The following ILRUN variants were observed in gnomAD, a reference collection of about 807,000 sequenced individuals.
ILRUN encodes protein ILRUN.
In ILRUN, 3 loss-of-function variants were observed where a neutral mutation model predicts 33.8. That is an observed-to-expected ratio of 0.09 (90% CI 0.04 to 0.23). The LOEUF is 0.23. Among genes scored for constraint, ILRUN ranks in the 10% least tolerant of loss-of-function variants. The pLI, the probability that ILRUN is intolerant of heterozygous loss-of-function variation, is 1.00. For synonymous variants in ILRUN, 124 were observed against 138.9 expected (o/e 0.89, Z 0.75); for missense variants, 210 against 375.1 (o/e 0.56, Z 3.64).
At position 34,646,880 on chromosome 6, in the gene ILRUN, G is replaced by T; in HGVS notation, c.314-82C>A. 7.7e-7 allele frequency: 1 copy of T among 1,304,008 alleles called. No homozygotes were observed. The highest frequency in any genetic ancestry group is 1.1e-6 in the Non-Finnish European group (1 of 918,672). The allele number at this position is 1,304,008 out of a possible 1,614,324, so 80.8% of individuals were successfully genotyped here. ...AGTTTATTATGAAACTGTAGAAGAG[G>T]CCTCTTTCTTTTTCTCACATACATA... On this transcript the variant is annotated intron_variant, in intron 2 of 4. Transcript: ENST00000374023. This position sits in a 1 kb window ranked among gnomAD's most constrained non-coding sequence, Gnocchi z 4.9.
At position 34,695,867 on chromosome 6, in the gene ILRUN, T is replaced by A. The variant is rs1763758413; in HGVS notation, c.158+579A>T. On this transcript the variant is annotated intron_variant, in intron 1 of 4. Transcript: ENST00000374023. ...CATACCCCCTTGTCTTCCCCCATAA[T>A]ATCACCCCCTTTTCCCTATCTATCC... Among the ~76,000 whole-genome samples the A allele has an allele frequency of 2.2e-5, 3 of 138,564 alleles. No homozygotes were observed. In the South Asian group the frequency reaches 7.9e-4, roughly 37 times the overall value. The allele number at this position is 138,564 out of a possible 152,430, so 90.9% of individuals were successfully genotyped here.
intron 1 of ILRUN, among the ~76,000 whole-genome samples, chr6:34,656,098 C>T (rs1040144888): frequency 2.0e-5 from 3 of 151,772 alleles, no homozygotes; most frequent in Non-Finnish European, 4.4e-5. Context: ...TAGCCAGGCA[C>T]GGTGGCGGGC....
intron 3 of ILRUN, among the ~76,000 whole-genome samples, chr6:34,629,956 A>C (rs2127347807): frequency 6.6e-6 from 1 of 152,288 alleles, no homozygotes; most frequent in Admixed American, 6.5e-5. Flanking sequence ...ACCTATGATA[A>C]ATTCTGACTT....
chr6:34,650,554 C>G (rs1392819744), intron 2 of ILRUN, among the ~76,000 whole-genome samples: 2 of 151,906 alleles, frequency 1.3e-5, no homozygotes, highest in Non-Finnish European at 2.9e-5. Flanking sequence ...CCTCAGCCTC[C>G]CGAATACGTG....
intron 3 of ILRUN, among the ~76,000 whole-genome samples, chr6:34,642,609 C>T (rs1762494260): frequency 6.6e-6 from 1 of 152,022 alleles, no homozygotes; most frequent in Non-Finnish European, 1.5e-5. Context: ...GTGGACCAGT[C>T]AAGAGCAAAG....
At chr6:34,595,746 G>A in intron 4 of ILRUN, 1 of 984,956 alleles carries the variant, frequency 1.0e-6, no homozygotes, top group Non-Finnish European at 1.2e-6. Flanking sequence ...TTTGTGATTT[G>A]ATTTAAATAA....
chr6:34,614,218 C>A (rs970190328), intron 3 of ILRUN, among the ~76,000 whole-genome samples: 2 of 151,826 alleles, frequency 1.3e-5, no homozygotes, highest in African/African-American at 4.8e-5. Flanking sequence ...GTCAGGAGAT[C>A]GAGACCATCC....
intron 1 of ILRUN, among the ~76,000 whole-genome samples, chr6:34,695,245 G>A (rs1292572342): frequency 1.3e-5 from 2 of 152,146 alleles, no homozygotes; most frequent in African/African-American, 4.8e-5. Flanking sequence ...TTGTGCAAGT[G>A]ATGCCAAGAG....
intron 4 of ILRUN, among the ~76,000 whole-genome samples, chr6:34,593,430 T>A (rs1723884443): frequency 6.6e-6 from 1 of 152,220 alleles, no homozygotes; most frequent in Non-Finnish European, 1.5e-5. Flanking sequence ...CTGTTGTATA[T>A]TCCCACTTAA....
chr6:34,693,667 A>ATTTAT (rs1763695039), intron 1 of ILRUN, among the ~76,000 whole-genome samples: 1 of 142,106 alleles, frequency 7.0e-6, no homozygotes, highest in African/African-American at 2.5e-5. Flanking sequence ...GTTTTATTTT[A>ATTTAT]TTTTATTTTT....
intron 3 of ILRUN, among the ~76,000 whole-genome samples, chr6:34,621,654 T>C (rs1441121982): frequency 6.6e-6 from 1 of 151,884 alleles, no homozygotes; most frequent in African/African-American, 2.4e-5. Flanking sequence ...AGATTAGGAG[T>C]TCGAGACCAG....
chr6:34,608,025 A>G (rs900607330), intron 3 of ILRUN, among the ~76,000 whole-genome samples: 6 of 151,946 alleles, frequency 3.9e-5, no homozygotes, highest in Admixed American at 2.6e-4. Flanking sequence ...CCCAGGAGGT[A>G]GAGGCTGCAG....
At chr6:34,680,828 G>A (rs774199622) in intron 1 of ILRUN, among the ~76,000 whole-genome samples, 1 of 151,462 alleles carries the variant, frequency 6.6e-6, no homozygotes, top group Non-Finnish European at 1.5e-5. Context: ...GAGCAGGAGT[G>A]AAAGTTTATT....
chr6:34,662,145 A>T (rs1271817032), intron 1 of ILRUN, among the ~76,000 whole-genome samples: 1 of 115,098 alleles, frequency 8.7e-6, no homozygotes, highest in Admixed American at 8.3e-5. Context: ...AAAAAAAAAA[A>T]AAAAAAAAAA....
At chr6:34,594,221 C>G (rs1761351027) in intron 4 of ILRUN, among the ~76,000 whole-genome samples, 1 of 152,088 alleles carries the variant, frequency 6.6e-6, no homozygotes, top group Admixed American at 6.5e-5. Flanking sequence ...ATAAGGAAAA[C>G]AGATAAAGGG....
intron 1 of ILRUN, among the ~76,000 whole-genome samples, chr6:34,663,551 A>G (rs193243255): frequency 5.3e-4 from 81 of 152,276 alleles, no homozygotes; most frequent in African/African-American, 1.9e-3. Flanking sequence ...GGGTCTCACT[A>G]TGTTGCCCAG....
chr6:34,612,112 T>C (rs1582043179), intron 3 of ILRUN, among the ~76,000 whole-genome samples: 1 of 152,122 alleles, frequency 6.6e-6, no homozygotes, highest in African/African-American at 2.4e-5. Flanking sequence ...CTTAAGGAGA[T>C]TTTCTTTTAA....
intron 3 of ILRUN, among the ~76,000 whole-genome samples, chr6:34,623,470 G>A (rs955653940): frequency 1.3e-5 from 2 of 151,904 alleles, no homozygotes; most frequent in African/African-American, 4.8e-5. Context: ...AACACTTCCT[G>A]GCAGAAAAGA....
At chr6:34,602,755 G>A (rs1418586189) in intron 4 of ILRUN, among the ~76,000 whole-genome samples, 3 of 152,160 alleles carry the variant, frequency 2.0e-5, no homozygotes, top group African/African-American at 2.4e-5. Context: ...TCTTTGAGGC[G>A]AGTCAGCATA....
Sources: allele counts gnomAD v4.1 joint callset (sites outside exome capture counted in the v4.1 genomes callset), GRCh38; gene constraint gnomAD v4.1.1; non-coding constraint Gnocchi (gnomAD v3.1); transcripts MANE v1.5; gene names NCBI Gene and HGNC (gene_info 2026-07-23, HGNC 2026-07-21).